TSHZ2: variants seen among roughly 807,000 people sequenced by gnomAD.
TSHZ2 encodes the protein teashirt homolog 2.
In TSHZ2, 21 loss-of-function variants were observed where a neutral mutation model predicts 74.4. The observed-to-expected ratio is 0.28, with a 90% CI of 0.20 to 0.41. The LOEUF is 0.41. Ranked by LOEUF, TSHZ2 falls within the 10% of genes least tolerant of loss-of-function variation. The probability of loss-of-function intolerance (pLI) is 1.00; values close to 1 mark genes in which losing one functional copy is unlikely to be tolerated. For missense variants in TSHZ2, 1,244 were observed against 1,293.5 expected (o/e 0.96, Z 0.59); for synonymous variants, 540 against 515.3 (o/e 1.05, Z -0.65).
intron 1 of TSHZ2, among the ~76,000 whole-genome samples, chr20:53,197,424 C>T (rs1988899523): frequency 6.6e-6 from 1 of 152,126 alleles, no homozygotes; most frequent in Non-Finnish European, 1.5e-5. Context: ...TTATTTGTAA[C>T]CTTTGGGGTT....
At chr20:53,268,787 A>G (rs1449956058) in intron 2 of TSHZ2, among the ~76,000 whole-genome samples, 1 of 152,170 alleles carries the variant, frequency 6.6e-6, no homozygotes, top group Non-Finnish European at 1.5e-5. Flanking sequence ...CACAAAGACC[A>G]CTTAAATTAT....
intron 2 of TSHZ2, among the ~76,000 whole-genome samples, chr20:53,342,703 T>C (rs1980257182): frequency 6.6e-6 from 1 of 152,252 alleles, no homozygotes; most frequent in East Asian, 1.9e-4. Flanking sequence ...ATGAAACTGA[T>C]GGAAGAATGT....
At chr20:53,384,456 A>G (rs930939127) in intron 2 of TSHZ2, among the ~76,000 whole-genome samples, 10 of 152,204 alleles carry the variant, frequency 6.6e-5, no homozygotes, top group Non-Finnish European at 1.2e-4. Flanking sequence ...GGAGAGCATC[A>G]TATAGTCTGT....
At chr20:53,211,073 G>A (rs1265670472) in intron 1 of TSHZ2, among the ~76,000 whole-genome samples, 4 of 152,180 alleles carry the variant, frequency 2.6e-5, no homozygotes, top group African/African-American at 4.8e-5. Context: ...TGTATTAGTA[G>A]GTAGTATTTA....
chr20:53,406,761 CAA>C (rs1462257107), intron 2 of TSHZ2, among the ~76,000 whole-genome samples: 1 of 152,046 alleles, frequency 6.6e-6, no homozygotes, highest in African/African-American at 2.4e-5. Context: ...GGTGTATTGG[CAA>C]AAACTAAAAC....
chr20:53,396,286 C>G (rs1462881313), intron 2 of TSHZ2, among the ~76,000 whole-genome samples: 1 of 152,176 alleles, frequency 6.6e-6, no homozygotes, highest in South Asian at 2.1e-4. Flanking sequence ...CTCACATGTA[C>G]GTATCGTGGT....
At chr20:53,018,701 T>C (rs538263005) in intron 1 of TSHZ2, among the ~76,000 whole-genome samples, 1 of 152,278 alleles carries the variant, frequency 6.6e-6, no homozygotes, top group South Asian at 2.1e-4. Flanking sequence ...TAGGCAAGAT[T>C]TTGCATTTGT....
chr20:53,370,178 C>T (rs1436529677), intron 2 of TSHZ2, among the ~76,000 whole-genome samples: 3 of 152,074 alleles, frequency 2.0e-5, no homozygotes, highest in African/African-American at 4.8e-5. Flanking sequence ...CTTTTCTAGT[C>T]TCTAAAATTC....
chr20:53,236,807 G>GGA (rs982769662), intron 1 of TSHZ2, among the ~76,000 whole-genome samples: 1 of 152,198 alleles, frequency 6.6e-6, no homozygotes, highest in Non-Finnish European at 1.5e-5. Context: ...CATGGCAGCA[G>GGA]GAGAGAGAAG....
intron 1 of TSHZ2, chr20:53,185,815 T>C: frequency 9.1e-7 from 1 of 1,104,002 alleles, no homozygotes; most frequent in South Asian, 1.5e-5. Flanking sequence ...GTATCAGTAA[T>C]TTAATTGAGT....
chr20:53,364,822 C>T (rs1022190331), intron 2 of TSHZ2, among the ~76,000 whole-genome samples: 1 of 152,342 alleles, frequency 6.6e-6, no homozygotes, highest in Non-Finnish European at 1.5e-5. Flanking sequence ...TTTTATGACC[C>T]TTTTTCATCC....
intron 1 of TSHZ2, among the ~76,000 whole-genome samples, chr20:53,186,231 A>G (rs1445941773): frequency 1.3e-5 from 2 of 152,226 alleles, no homozygotes; most frequent in African/African-American, 4.8e-5. Context: ...TGTCCATAGC[A>G]GGAATAATTA....
chr20:53,415,368 G>A (rs1568907378), intron 2 of TSHZ2, among the ~76,000 whole-genome samples: 1 of 152,134 alleles, frequency 6.6e-6, no homozygotes, highest in Non-Finnish European at 1.5e-5. Context: ...CAGAGAAGCA[G>A]GCACTGTAGC....
At chr20:53,158,972 T>TTTATTTCATAAAAG (rs1393348080) in intron 1 of TSHZ2, among the ~76,000 whole-genome samples, 32 of 152,364 alleles carry the variant, frequency 2.1e-4, no homozygotes, top group African/African-American at 7.7e-4. Flanking sequence ...TAAAAGAAAT[T>TTTATTTCATAAAAG]TTATTTCATA....
intron 1 of TSHZ2, among the ~76,000 whole-genome samples, chr20:53,131,819 A>ACCCCCC (rs34289663): frequency 1.0e-5 from 1 of 95,406 alleles, no homozygotes; most frequent in Admixed American, 1.2e-4. Flanking sequence ...TTGAATGACA[A>ACCCCCC]CCCCCCCCCC....
At chr20:53,109,494 A>C (rs1986470707) in intron 1 of TSHZ2, among the ~76,000 whole-genome samples, 1 of 151,980 alleles carries the variant, frequency 6.6e-6, no homozygotes, top group Admixed American at 6.6e-5. Context: ...CATCTCTTTC[A>C]ATTTGCTTTG....
rs1177288602 is a variant in TSHZ2 at position 52,973,125 on chromosome 20, C to G, written c.-169C>G. 1 of 787,814 alleles carries G rather than the reference C, an allele frequency of 1.3e-6. No individual in the cohort carries two copies. 48.8% of individuals were successfully genotyped at this position (787,814 alleles called of 1,614,324 possible). A position where few individuals can be genotyped will look rare whatever the true frequency, so the allele number is the denominator to read the frequency against. ...CACCCAGAGAGGGGGGTCTCTGGCCCGTGGTGGAGGAGTTGCAGGGGGGAT... is the reference window on the plus strand; with the variant it reads ...CACCCAGAGAGGGGGGTCTCTGGCCGGTGGTGGAGGAGTTGCAGGGGGGAT... On this transcript the variant is annotated 5_prime_UTR_variant, in exon 1 of 3. Coordinates refer to ENST00000371497, the MANE Select transcript of TSHZ2 (RefSeq NM_173485.6).
chr20:53,301,291 C>T (rs1034800339), intron 2 of TSHZ2, among the ~76,000 whole-genome samples: 6 of 152,146 alleles, frequency 3.9e-5, no homozygotes, highest in African/African-American at 1.2e-4. Context: ...AAAAGAAATA[C>T]ATGTTAGTAA....
chr20:53,231,819 G>T lies in TSHZ2; in HGVS notation c.41-21680G>T, dbSNP rs566168882. 4.5e-4 allele frequency among the ~76,000 whole-genome samples: 69 copies of T among 152,288 alleles called. 1 individual carries two copies. The highest frequency in any genetic ancestry group is 2.9e-4 in the Non-Finnish European group (20 of 68,012). ...AGCCTTACACTCTGAAAGCCCTGTT[G>T]AATGTTCCTGAGTTTTTAACTCATT... is the stretch of plus-strand genomic sequence containing the variant. On this transcript the variant is annotated intron_variant, in intron 1 of 2. Coordinates refer to ENST00000371497, the MANE Select transcript of TSHZ2 (RefSeq NM_173485.6).
Sources: gnomAD v4.1 joint callset for allele counts (sites outside exome capture counted in the v4.1 genomes callset) on GRCh38, gnomAD v4.1.1 for gene constraint, MANE v1.5 for transcripts, NCBI Gene and HGNC (gene_info 2026-07-23, HGNC 2026-07-21) for gene names.